Variants in ATP11B observed in about 807,000 individuals in gnomAD.
ATP11B encodes ATPase phospholipid transporting 11B (putative).
Under a neutral mutation model 157.8 loss-of-function variants are expected in ATP11B, and 81 were observed. The ratio of observed to expected loss-of-function variants is 0.51; its 90% confidence interval spans 0.43 to 0.62. The LOEUF (loss-of-function observed/expected upper bound fraction) is 0.62. Ranked by LOEUF, ATP11B falls within the 20% of genes least tolerant of loss-of-function variation. ATP11B has a pLI of 0.00. For missense variants in ATP11B, 1,165 were observed against 1,402.2 expected, an observed-to-expected ratio of 0.83 and a Z score of 2.70; for synonymous variants, 451 against 469.4, an observed-to-expected ratio of 0.96 and a Z score of 0.51.
chr3:182,803,655 C>G (rs1716147858), intron 1 of ATP11B, among the ~76,000 whole-genome samples: 1 of 152,024 alleles, frequency 6.6e-6, no homozygotes, highest in Non-Finnish European at 1.5e-5. Context: ...TTTAAAGATA[C>G]CTGGAATCAA....
chr3:182,859,412 A>AAT, intron 12 of ATP11B, 53 bp downstream of exon 12: 1 of 1,424,790 alleles, frequency 7.0e-7, no homozygotes, highest in Non-Finnish European at 9.4e-7. Flanking sequence ...TTATCAAAGC[A>AAT]ATACATGGAC....
chr3:182,857,117 TA>T (rs1720462489), intron 10 of ATP11B, among the ~76,000 whole-genome samples: 1 of 152,190 alleles, frequency 6.6e-6, no homozygotes, highest in Non-Finnish European at 1.5e-5. Context: ...AAAAAGTATA[TA>T]ATAATTTCCC....
chr3:182,917,828 G>A (rs1725236867), intron 29 of ATP11B, 195 bp from the exon 30 acceptor site: 1 of 982,182 alleles, frequency 1.0e-6, no homozygotes, highest in African/African-American at 1.8e-5. Context: ...GATGACTAGA[G>A]CATTATTTTT....
intron 3 of ATP11B, among the ~76,000 whole-genome samples, chr3:182,829,355 A>G (rs1218591426): frequency 6.6e-6 from 1 of 152,198 alleles, no homozygotes; most frequent in Non-Finnish European, 1.5e-5. Context: ...AAGGGTAAAA[A>G]TTGCTGACAG....
intron 13 of ATP11B, 97 bp from the exon 14 acceptor site, chr3:182,866,170 TA>T: frequency 1.1e-6 from 1 of 885,180 alleles, no homozygotes; most frequent in Non-Finnish European, 1.6e-6. Flanking sequence ...ATCAAGGTTG[TA>T]GCACTCTTGT....
At chr3:182,842,151 C>A in intron 8 of ATP11B, 29 bp downstream of exon 8, 1 of 1,504,738 alleles carries the variant, frequency 6.6e-7, no homozygotes. Context: ...TATCTAATTA[C>A]CTTTAAATGG....
intron 10 of ATP11B, among the ~76,000 whole-genome samples, chr3:182,853,367 C>A (rs1250200400): frequency 6.6e-6 from 1 of 151,998 alleles, no homozygotes; most frequent in East Asian, 1.9e-4. Flanking sequence ...GCCACAACAC[C>A]CAGCTCATTT....
At chr3:182,901,139 C>G (rs2108583214) in intron 28 of ATP11B, among the ~76,000 whole-genome samples, 1 of 151,918 alleles carries the variant, frequency 6.6e-6, no homozygotes, top group South Asian at 2.1e-4. Context: ...CGCCACTGCA[C>G]TCCAGCCTGG....
chr3:182,845,001 T>TA (rs1202310596), intron 8 of ATP11B, among the ~76,000 whole-genome samples: 18 of 110,452 alleles, frequency 1.6e-4, no homozygotes, highest in Admixed American at 1.4e-3. Flanking sequence ...TTTATTTTTT[T>TA]TTTTATTTTT....
Position 182,836,091 on chromosome 3 carries a change from T to G in ATP11B, c.372T>G (p.Val124=). 2 of 1,613,750 alleles carry G rather than the reference T, an allele frequency of 1.2e-6. No homozygotes were observed. The stretch of plus-strand genomic sequence containing the variant: ...ATAATGAAGTAAATGGAGCTCCTGT[T>G]TATGTTGTTCGAAGTGGTGGCCTTG... The part of the protein sequence containing the change: ...NSDNEVNGAP[V]YVVRSGGLVK... The change falls in exon 5 of 30, where the codon GTT becomes GTG. Residue 124 remains valine (V), a synonymous_variant. Transcript: ENST00000323116.
intron 1 of ATP11B, among the ~76,000 whole-genome samples, chr3:182,804,173 A>G (rs1242415564): frequency 6.6e-6 from 1 of 151,906 alleles, no homozygotes; most frequent in African/African-American, 2.4e-5. Flanking sequence ...TTATTTTTCT[A>G]GTTATGCCTA....
At chr3:182,901,991 T>G (rs889185157) in intron 28 of ATP11B, among the ~76,000 whole-genome samples, 1 of 152,224 alleles carries the variant, frequency 6.6e-6, no homozygotes, top group Non-Finnish European at 1.5e-5. Flanking sequence ...AAGTCTCTAC[T>G]TCTACTCAGG....
intron 25 of ATP11B, 36 bp downstream of exon 25, chr3:182,889,584 A>C: frequency 6.7e-7 from 1 of 1,482,636 alleles, no homozygotes; most frequent in Non-Finnish European, 9.0e-7. Context: ...ATGCTTGTTA[A>C]TATTTTATGG....
chr3:182,866,372 C>T lies in ATP11B; in HGVS notation c.1548C>T (p.Asn516=). 1.9e-6 allele frequency: 3 copies of T among 1,613,916 alleles called. No homozygotes were observed. The highest frequency in any genetic ancestry group is 2.5e-6 in the Non-Finnish European group (3 of 1,179,892). The change falls in exon 14 of 30, where the codon AAC becomes AAT. Residue 516 remains asparagine (N), a synonymous_variant. Transcript: ENST00000323116. ...DCTGDGPWQS[N]LAPSQLEYYA... Reference sequence around the variant, plus strand: ...CTGGTGATGGTCCCTGGCAATCCAACCTGGCACCATCGCAGTTGGAGTACT... The same window carrying T: ...CTGGTGATGGTCCCTGGCAATCCAATCTGGCACCATCGCAGTTGGAGTACT...
chr3:182,861,829 C>T (rs1023170033), intron 12 of ATP11B, among the ~76,000 whole-genome samples: 15 of 151,856 alleles, frequency 9.9e-5, no homozygotes, highest in African/African-American at 3.4e-4. Flanking sequence ...TTTAAAAGTA[C>T]TCTACCCAGG....
In ATP11B at chr3:182,898,720, TAAAG is replaced by T; in HGVS notation, c.3269_3272del (p.Lys1090ArgfsTer51). Reference sequence around the variant, plus strand: ...GTTACATGTCTATTTCTTGATATCATAAAGAAGGTCTTTGACCGACACCTCCACC... The same window carrying T: ...GTTACATGTCTATTTCTTGATATCATAAGGTCTTTGACCGACACCTCCACC... On this transcript the variant is annotated frameshift_variant, in exon 28 of 30. Coordinates refer to ENST00000323116, the MANE Select transcript of ATP11B (RefSeq NM_014616.3). LOFTEE classifies it high-confidence loss of function. The T allele has an allele frequency of 6.3e-7, 1 of 1,596,618 alleles. No homozygotes were observed. The highest frequency in any genetic ancestry group is 8.5e-7 in the Non-Finnish European group (1 of 1,171,562).
chr3:182,848,031 G>T (rs928641560), intron 9 of ATP11B, among the ~76,000 whole-genome samples: 18 of 152,148 alleles, frequency 1.2e-4, no homozygotes, highest in Non-Finnish European at 2.9e-5. Context: ...AATGGTTATG[G>T]AATAATGTCT....
At chr3:182,855,237 G>A in intron 10 of ATP11B, among the ~76,000 whole-genome samples, 1 of 152,118 alleles carries the variant, frequency 6.6e-6, no homozygotes, top group East Asian at 1.9e-4. Flanking sequence ...GAGAACCCCA[G>A]AACAGACCAA....
In ATP11B at chr3:182,920,299, C is replaced by T. The variant is rs1014736134; in HGVS notation, c.*2195C>T. The T allele has an allele frequency of 2.0e-5, 3 of 152,196 alleles. No homozygotes were observed. Among genetic ancestry groups the T allele is most frequent in the Non-Finnish European group, 4.4e-5 (3 of 68,026 alleles). 9.4% of individuals were successfully genotyped at this position (152,196 alleles called of 1,614,324 possible). ...AGTAAATGGCAACCACTAGTGTGCT[C>T]ATCCTGAACTGTTACTCCAAATCCA... On this transcript the variant is annotated 3_prime_UTR_variant, in exon 30 of 30. Transcript: ENST00000323116.
Sources: allele counts gnomAD v4.1 joint callset (sites outside exome capture counted in the v4.1 genomes callset), GRCh38; gene constraint gnomAD v4.1.1; transcripts MANE v1.5; gene names NCBI Gene and HGNC (gene_info 2026-07-23, HGNC 2026-07-21).